ABCA13: variants seen among roughly 807,000 people sequenced by gnomAD.
ABCA13 encodes the protein ATP-binding cassette sub-family A member 13.
In ABCA13, 476 loss-of-function variants were observed where a neutral mutation model predicts 478.7. The observed-to-expected ratio is 0.99, with a 90% CI of 0.92 to 1.07. The LOEUF is 1.07. Among genes scored for constraint, ABCA13 ranks in the 50% least tolerant of loss-of-function variants. The pLI is 0.00. For missense variants in ABCA13, 6,060 were observed against 5,910.6 expected (o/e 1.03, Z -0.83); for synonymous variants, 2,252 against 2,158.9 (o/e 1.04, Z -1.20).
chr7:48,572,409 TCTGGGCTCACATAATCTTTCTG>T (rs1275822274), intron 55 of ABCA13, among the ~76,000 whole-genome samples: 6 of 152,088 alleles, frequency 3.9e-5, no homozygotes, highest in Non-Finnish European at 5.9e-5. Context: ...GCCTCAAACA[TCTGGGCTCACATAATCTTTCTG>T]CTTCAGCCTT....
At chr7:48,322,948 T>C (rs1207624581) in intron 27 of ABCA13, among the ~76,000 whole-genome samples, 1 of 152,170 alleles carries the variant, frequency 6.6e-6, no homozygotes. Flanking sequence ...AATCATCATC[T>C]GTAACCTTTG....
intron 39 of ABCA13, chr7:48,404,158 C>A: frequency 2.7e-6 from 1 of 374,504 alleles, no homozygotes; most frequent in South Asian, 2.1e-5. Flanking sequence ...GGAAAATTGT[C>A]TTCTTCTGGA....
chr7:48,199,468 A>G (rs567534640), intron 3 of ABCA13, among the ~76,000 whole-genome samples: 1 of 152,266 alleles, frequency 6.6e-6, no homozygotes, highest in South Asian at 2.1e-4. Context: ...GGTCTCTTTT[A>G]TACGGGCACT....
At chr7:48,337,679 A>G (rs1302567174) in intron 28 of ABCA13, among the ~76,000 whole-genome samples, 1 of 152,222 alleles carries the variant, frequency 6.6e-6, no homozygotes, top group South Asian at 2.1e-4. Context: ...ATACATCAGT[A>G]TCTTTCCCTC....
chr7:48,196,197 A>G (rs1472174250), intron 2 of ABCA13, among the ~76,000 whole-genome samples: 1 of 152,196 alleles, frequency 6.6e-6, no homozygotes, highest in African/African-American at 2.4e-5. Flanking sequence ...TGGAAAGGGT[A>G]GCTTATGATG....
At chr7:48,496,434 G>T (rs1369816764) in intron 48 of ABCA13, among the ~76,000 whole-genome samples, 2 of 152,036 alleles carry the variant, frequency 1.3e-5, no homozygotes, top group Non-Finnish European at 2.9e-5. Flanking sequence ...ATCAGATGGT[G>T]TTCTAATTCT....
intron 1 of ABCA13, among the ~76,000 whole-genome samples, chr7:48,173,121 A>G (rs920877591): frequency 2.6e-5 from 4 of 152,282 alleles, no homozygotes; most frequent in African/African-American, 9.6e-5. Flanking sequence ...AAATTTTCAC[A>G]ATTACTTTTG....
At chr7:48,307,433 G>A (rs893318406) in intron 23 of ABCA13, among the ~76,000 whole-genome samples, 2 of 152,088 alleles carry the variant, frequency 1.3e-5, no homozygotes, top group African/African-American at 4.8e-5. Flanking sequence ...TGAAAAATAT[G>A]GTATAAAAGA....
intron 9 of ABCA13, among the ~76,000 whole-genome samples, chr7:48,240,365 C>T (rs1182682814): frequency 6.6e-6 from 1 of 152,190 alleles, no homozygotes; most frequent in Non-Finnish European, 1.5e-5. Flanking sequence ...TCGTGCACCT[C>T]TCCATGCCAT....
intron 55 of ABCA13, among the ~76,000 whole-genome samples, chr7:48,556,747 AT>A (rs1047014605): frequency 6.6e-6 from 1 of 150,920 alleles, no homozygotes; most frequent in Non-Finnish European, 1.5e-5. Flanking sequence ...AGTCTTGTAC[AT>A]TTTTTTTCAT....
At chr7:48,596,246 C>CT (rs1300844087) in intron 58 of ABCA13, among the ~76,000 whole-genome samples, 7 of 152,114 alleles carry the variant, frequency 4.6e-5, no homozygotes, top group Admixed American at 2.6e-4. Context: ...TCTCTGGGCT[C>CT]TTTCTTTTTT....
At chr7:48,555,394 G>A (rs1331622922) in intron 55 of ABCA13, among the ~76,000 whole-genome samples, 1 of 151,824 alleles carries the variant, frequency 6.6e-6, no homozygotes, top group African/African-American at 2.4e-5. Context: ...AGAATAGTTT[G>A]AGTAGGATTG....
At chr7:48,553,913 AAGTAAT>A (rs1407343374) in intron 55 of ABCA13, among the ~76,000 whole-genome samples, 1 of 151,858 alleles carries the variant, frequency 6.6e-6, no homozygotes, top group African/African-American at 2.4e-5. Context: ...GAGTTTTCCA[AAGTAAT>A]AGTAATAGTA....
At chr7:48,348,517 G>A (rs780455814) in intron 29 of ABCA13, among the ~76,000 whole-genome samples, 2 of 152,162 alleles carry the variant, frequency 1.3e-5, no homozygotes, top group Non-Finnish European at 2.9e-5. Context: ...TTTTTCCAAT[G>A]AGCGTGTTTT....
chr7:48,511,191 A>G lies in ABCA13; in HGVS notation c.13632A>G (p.Ser4544=). The G allele has an allele frequency of 6.2e-7, 1 of 1,610,156 alleles. No homozygotes were observed. The highest frequency in any genetic ancestry group is 8.5e-7 in the Non-Finnish European group (1 of 1,178,506). The part of the protein sequence containing the change: ...KNLAATALLL[S]LFGYATLPWM... ...TGGCAGCCACGGCCCTCCTGCTGTC[A>G]CTTTTCGGGTATGTGATGAGAAACG... The change falls in exon 51 of 62, where the codon TCA becomes TCG. Residue 4544 remains serine (S), a synonymous_variant. Coordinates refer to ENST00000435803, the MANE Select transcript of ABCA13 (RefSeq NM_152701.5).
intron 41 of ABCA13, among the ~76,000 whole-genome samples, chr7:48,420,517 T>C (rs1170695644): frequency 6.6e-6 from 1 of 152,176 alleles, no homozygotes; most frequent in Non-Finnish European, 1.5e-5. Flanking sequence ...TTTTAATAGT[T>C]TTGAAGTTTT....
intron 15 of ABCA13, among the ~76,000 whole-genome samples, chr7:48,265,693 A>G (rs988218269): frequency 6.6e-6 from 1 of 151,696 alleles, no homozygotes; most frequent in African/African-American, 2.4e-5. Context: ...CAGATTGTCT[A>G]TAAATCATGT....
intron 38 of ABCA13, among the ~76,000 whole-genome samples, chr7:48,397,654 T>C (rs560716862): frequency 1.3e-5 from 2 of 152,256 alleles, no homozygotes; most frequent in Non-Finnish European, 2.9e-5. Context: ...GTTTTATTTT[T>C]CCATACTTGG....
rs767141398 is a variant in ABCA13 at position 48,367,866 on chromosome 7, G to A, written c.10761G>A (p.Met3587Ile). 1.3e-6 allele frequency: 2 copies of A among 1,582,048 alleles called. No homozygotes were observed. Among genetic ancestry groups the A allele is most frequent in the East Asian group, 4.6e-5 (2 of 43,716 alleles). ...MLTWMVSVASMVRKLVYEQEI... is the reference protein window; with the variant it reads ...MLTWMVSVASIVRKLVYEQEI... ...CGTGGATGGTGTCTGTGGCCAGCATGGTCAGAAAGTTGGTGTATGAGCAGG... is the reference window on the plus strand; with the variant it reads ...CGTGGATGGTGTCTGTGGCCAGCATAGTCAGAAAGTTGGTGTATGAGCAGG... The change falls in exon 32 of 62, where the codon ATG (methionine) becomes ATA (isoleucine). Residue 3587 changes from methionine to isoleucine, a missense_variant. Around this residue, in one of 3 missense-constraint regions of ABCA13, gnomAD observed 4,423 missense variants for 4,309.1 expected, o/e 1.03. Transcript: ENST00000435803.
Sources: allele counts gnomAD v4.1 joint callset (sites outside exome capture counted in the v4.1 genomes callset), GRCh38; gene constraint gnomAD v4.1.1; regional missense constraint gnomAD v4.1.1; transcripts MANE v1.5; gene names NCBI Gene and HGNC (gene_info 2026-07-23, HGNC 2026-07-21).